Variants in MTIF2 observed in about 807,000 individuals in gnomAD.
The protein encoded by MTIF2 is mitochondrial translational initiation factor 2.
Under a neutral mutation model 83.5 loss-of-function variants are expected in MTIF2, and 71 were observed. The observed-to-expected ratio is 0.85, with a 90% confidence interval of 0.70 to 1.04. The LOEUF (loss-of-function observed/expected upper bound fraction) is 1.04. Ranked by LOEUF, MTIF2 falls within the 50% of genes least tolerant of loss-of-function variation. MTIF2 has a pLI of 0.00. For missense variants in MTIF2, 957 were observed against 846.5 expected (o/e 1.13, Z -1.62); for synonymous variants, 319 against 287.1 (o/e 1.11, Z -1.12).
At chr2:55,238,286 G>T (rs901383983) in intron 14 of MTIF2, among the ~76,000 whole-genome samples, 1 of 151,656 alleles carries the variant, frequency 6.6e-6, no homozygotes, top group African/African-American at 2.4e-5. Flanking sequence ...CAAAGTCCTC[G>T]GATGACACGC....
In MTIF2 at chr2:55,243,620, C is replaced by G; in HGVS notation, c.1360G>C (p.Glu454Gln). 6.2e-7 allele frequency: 1 copy of G among 1,613,986 alleles called. No individual in the cohort carries two copies. The highest frequency in any genetic ancestry group is 8.5e-7 in the Non-Finnish European group (1 of 1,179,972). The change falls in exon 12 of 16, where the codon GAG (glutamate) becomes CAG (glutamine). Residue 454 changes from glutamate to glutamine, a missense_variant. Around this residue, in one of 3 missense-constraint regions of MTIF2, gnomAD observed 733 missense variants for 648.7 expected, o/e 1.13. Transcript: ENST00000263629. Reference protein sequence around the residue: ...VDWRKYEQEQEKGQEDLKIIE... With the variant: ...VDWRKYEQEQQKGQEDLKIIE... ...ATTTTCAGATCCTCCTGACCTTTCT[C>G]CTGTTCTTGTTCATATTTCCTCCAG...
At chr2:55,247,761 G>A (rs1676807858) in intron 9 of MTIF2, among the ~76,000 whole-genome samples, 1 of 152,032 alleles carries the variant, frequency 6.6e-6, no homozygotes, top group Non-Finnish European at 1.5e-5. Context: ...TTACCTCCCT[G>A]CCACTCTCTT....
chr2:55,258,693 T>A (rs1395524379), intron 5 of MTIF2, among the ~76,000 whole-genome samples: 1 of 151,388 alleles, frequency 6.6e-6, no homozygotes, highest in Admixed American at 6.6e-5. Context: ...ATGCCTGTAG[T>A]CCCAGCTACT....
chr2:55,251,161 T>C (rs1677068480), intron 8 of MTIF2, among the ~76,000 whole-genome samples: 1 of 149,622 alleles, frequency 6.7e-6, no homozygotes, highest in Non-Finnish European at 1.5e-5. Context: ...TCTATGTTGA[T>C]GAGCTGGAAC....
Position 55,236,615 on chromosome 2 carries a change from A to G in MTIF2, c.*33T>C. ...GTGCATTTCTACCTTCAAACAAACA[A>G]CACGTTGAGTTATTTACATTTTTAA... On this transcript the variant is annotated 3_prime_UTR_variant, in exon 16 of 16. Transcript: ENST00000263629. The G allele has an allele frequency of 1.9e-6, 3 of 1,545,858 alleles. No homozygotes were observed. The highest frequency in any genetic ancestry group is 2.6e-6 in the Non-Finnish European group (3 of 1,150,268).
intron 5 of MTIF2, among the ~76,000 whole-genome samples, chr2:55,258,212 C>A (rs180918745): frequency 6.6e-6 from 1 of 152,170 alleles, no homozygotes; most frequent in Non-Finnish European, 1.5e-5. Flanking sequence ...TGCAAGCCAG[C>A]ACCAGCAAGC....
At chr2:55,243,340 T>G in intron 12 of MTIF2, 76 bp downstream of exon 12, 1 of 1,345,490 alleles carries the variant, frequency 7.4e-7, no homozygotes, top group Non-Finnish European at 1.0e-6. Flanking sequence ...CATGTAAATG[T>G]AAAGGCCCAA....
intron 5 of MTIF2, among the ~76,000 whole-genome samples, chr2:55,260,720 T>TA: frequency 6.6e-6 from 1 of 152,274 alleles, no homozygotes; most frequent in East Asian, 1.9e-4. Context: ...TAAGGATACC[T>TA]AACTTTAGGG....
Position 55,243,667 on chromosome 2 carries a change from G to A in MTIF2, c.1313C>T (p.Pro438Leu). The change falls in exon 12 of 16, where the codon CCA becomes CTA. Residue 438 changes from proline (P) to leucine (L), a missense_variant and splice_region_variant. Around this residue, in one of 3 missense-constraint regions of MTIF2, gnomAD observed 733 missense variants for 648.7 expected, o/e 1.13. Coordinates refer to ENST00000263629, the MANE Select transcript of MTIF2 (RefSeq NM_002453.3). ...CCAGTCAACAACTTCACGTGCCCTT[G>A]GCTTTATAGGGGAAAAACGTATTAT... ...GEEILEVESE[P>L]RAREVVDWRK... The A allele has an allele frequency of 6.2e-7, 1 of 1,610,752 alleles. No individual in the cohort carries two copies. Among genetic ancestry groups the A allele is most frequent in the Non-Finnish European group, 8.5e-7 (1 of 1,179,030 alleles).
chr2:55,253,437 G>C (rs988738792), intron 7 of MTIF2, among the ~76,000 whole-genome samples: 8 of 152,150 alleles, frequency 5.3e-5, no homozygotes, highest in Admixed American at 2.0e-4. Flanking sequence ...CTAGCACTTT[G>C]GGAGGTCAAG....
intron 13 of MTIF2, among the ~76,000 whole-genome samples, chr2:55,240,737 A>G (rs1319753104): frequency 6.6e-6 from 1 of 152,256 alleles, no homozygotes; most frequent in Non-Finnish European, 1.5e-5. Flanking sequence ...TCATTTAAGG[A>G]ACATTAAGTG....
At chr2:55,256,436 G>T (rs989675990) in intron 5 of MTIF2, among the ~76,000 whole-genome samples, 1 of 151,728 alleles carries the variant, frequency 6.6e-6, no homozygotes, top group Non-Finnish European at 1.5e-5. Flanking sequence ...GGCCAGGCAC[G>T]GTGGCTCACG....
chr2:55,253,436 T>C (rs1173210094), intron 7 of MTIF2, among the ~76,000 whole-genome samples: 4 of 152,098 alleles, frequency 2.6e-5, no homozygotes, highest in Non-Finnish European at 2.9e-5. Flanking sequence ...CCTAGCACTT[T>C]GGGAGGTCAA....
rs1476127852 is a variant in MTIF2, at chr2:55,246,419, C to G, written c.1024G>C (p.Ala342Pro). The change falls in exon 10 of 16, where the codon GCA (alanine) becomes CCA (proline). Residue 342 changes from alanine (A) to proline (P), a missense_variant. Coordinates refer to ENST00000263629, the MANE Select transcript of MTIF2 (RefSeq NM_002453.3). ...MALAEATVAL[A>P]EMLELKADPN... The stretch of plus-strand genomic sequence containing the variant: ...TCTGCTTTCAATTCTAACATTTCTG[C>G]AAGAGCAACTGTTGCTTCTGCCAAA... 3.7e-6 allele frequency: 6 copies of G among 1,613,870 alleles called. No homozygotes were observed. Among genetic ancestry groups the G allele is most frequent in the Non-Finnish European group, 5.1e-6 (6 of 1,179,832 alleles).
chr2:55,258,948 C>G (rs1443537565), intron 5 of MTIF2, among the ~76,000 whole-genome samples: 1 of 152,024 alleles, frequency 6.6e-6, no homozygotes, highest in African/African-American at 2.4e-5. Flanking sequence ...CCATTGCACT[C>G]CAGCCTGCAC....
At chr2:55,245,647 A>T (rs1573868011) in intron 10 of MTIF2, among the ~76,000 whole-genome samples, 1 of 152,316 alleles carries the variant, frequency 6.6e-6, no homozygotes, top group South Asian at 2.1e-4. Flanking sequence ...AAAATAGTTC[A>T]ACACGTCTGT....
rs768480844 is a variant in MTIF2, at chr2:55,236,642, G to T, written c.*6C>A. 3 of 1,579,284 alleles carry T rather than the reference G, an allele frequency of 1.9e-6. No individual in the cohort carries two copies. The highest frequency in any genetic ancestry group is 2.6e-6 in the Non-Finnish European group (3 of 1,167,662). ...ACGTTGAGTTATTTACATTTTTAAT[G>T]TAATTTTAAAATCCTGGATCCCAAG... On this transcript the variant is annotated 3_prime_UTR_variant, in exon 16 of 16. Transcript: ENST00000263629.
rs148184724 is a variant in MTIF2, at chr2:55,246,422, G to A, written c.1021C>T (p.Leu341Phe). 99 of 1,613,580 alleles carry A rather than the reference G, an allele frequency of 6.1e-5. No homozygotes were observed. The African/African-American group carries it at 1.1e-3, about 18-fold the overall frequency. Residue 341 changes from leucine (L) to phenylalanine (F), a missense_variant, in exon 10 of 16, where the codon CTT (leucine) becomes TTT (phenylalanine). Around this residue, in one of 3 missense-constraint regions of MTIF2, gnomAD observed 733 missense variants for 648.7 expected, o/e 1.13. Coordinates refer to ENST00000263629, the MANE Select transcript of MTIF2 (RefSeq NM_002453.3). ...LMALAEATVALAEMLELKADP... is the reference protein window; with the variant it reads ...LMALAEATVAFAEMLELKADP... The stretch of plus-strand genomic sequence containing the variant: ...GCTTTCAATTCTAACATTTCTGCAA[G>A]AGCAACTGTTGCTTCTGCCAAAGCC...
chr2:55,245,216 G>T (rs1485074068), intron 10 of MTIF2, among the ~76,000 whole-genome samples: 1 of 151,766 alleles, frequency 6.6e-6, no homozygotes, highest in African/African-American at 2.4e-5. Flanking sequence ...TCTAAAGTAG[G>T]CACAAAATTG....
Sources: gnomAD v4.1 joint callset for allele counts (sites outside exome capture counted in the v4.1 genomes callset) on GRCh38, gnomAD v4.1.1 for gene constraint, gnomAD v4.1.1 regional missense constraint, MANE v1.5 for transcripts, NCBI Gene and HGNC (gene_info 2026-07-23, HGNC 2026-07-21) for gene names.